The following MAGI2 variants were observed in gnomAD, a reference collection of about 807,000 sequenced individuals.
The protein encoded by MAGI2 is membrane-associated guanylate kinase, WW and PDZ domain-containing protein 2.
In MAGI2, 35 loss-of-function variants were observed where a neutral mutation model predicts 133.3. The ratio of observed to expected loss-of-function variants is 0.26; its 90% CI spans 0.20 to 0.35. MAGI2 has a LOEUF of 0.35. Among genes scored for constraint, MAGI2 ranks in the 10% least tolerant of loss-of-function variants. MAGI2 has a pLI of 1.00. For missense variants in MAGI2, 1,636 were observed against 1,863.4 expected, an observed-to-expected ratio of 0.88 and a Z score of 2.25; for synonymous variants, 729 against 710.6, an observed-to-expected ratio of 1.03 and a Z score of -0.41.
intron 2 of MAGI2, among the ~76,000 whole-genome samples, chr7:78,925,173 G>A (rs1440107852): frequency 6.6e-6 from 1 of 151,898 alleles, no homozygotes; most frequent in Non-Finnish European, 1.5e-5. Flanking sequence ...AACTCCAGTG[G>A]GAAAGCGACC....
chr7:79,223,658 T>C (rs7788719), intron 1 of MAGI2, among the ~76,000 whole-genome samples: 3,301 of 152,032 alleles, frequency 0.022, 169 homozygotes, highest in African/African-American at 0.075. Flanking sequence ...TGAGACCCTG[T>C]CTCTACTAAA....
chr7:79,145,839 A>G (rs762229716), intron 1 of MAGI2, among the ~76,000 whole-genome samples: 19 of 152,238 alleles, frequency 1.2e-4, no homozygotes, highest in Non-Finnish European at 2.6e-4. Context: ...TGATTAAGGA[A>G]TTTGGTCACT....
At chr7:78,954,569 C>T (rs1488865037) in intron 2 of MAGI2, among the ~76,000 whole-genome samples, 1 of 152,024 alleles carries the variant, frequency 6.6e-6, no homozygotes, top group African/African-American at 2.4e-5. Context: ...TAGTGTGGAT[C>T]GACAATATGC....
intron 2 of MAGI2, among the ~76,000 whole-genome samples, chr7:78,844,225 T>C (rs1792393622): frequency 6.6e-6 from 1 of 151,642 alleles, no homozygotes; most frequent in Non-Finnish European, 1.5e-5. Context: ...CCAATAATTG[T>C]ATATATACTG....
At chr7:78,648,810 G>A (rs983211257) in intron 2 of MAGI2, among the ~76,000 whole-genome samples, 1 of 152,064 alleles carries the variant, frequency 6.6e-6, no homozygotes, top group African/African-American at 2.4e-5. Context: ...TGAGAAGATG[G>A]TAAAATTTAT....
intron 2 of MAGI2, among the ~76,000 whole-genome samples, chr7:78,662,010 C>A (rs1813012345): frequency 6.6e-6 from 1 of 152,132 alleles, no homozygotes; most frequent in Non-Finnish European, 1.5e-5. Flanking sequence ...GGAAAATCCA[C>A]ATGAATAATC....
intron 4 of MAGI2, among the ~76,000 whole-genome samples, chr7:78,508,729 T>G (rs963175831): frequency 1.3e-4 from 20 of 152,192 alleles, no homozygotes; most frequent in African/African-American, 4.8e-4. Context: ...CTATTTAAAT[T>G]CTGACTAGGG....
chr7:78,387,446 G>A (rs1583832731), intron 6 of MAGI2, among the ~76,000 whole-genome samples: 1 of 152,224 alleles, frequency 6.6e-6, no homozygotes, highest in African/African-American at 2.4e-5. Flanking sequence ...GAAGAGGAGA[G>A]GAGAAACCAA....
At chr7:78,621,147 A>C (rs1193808036) in intron 3 of MAGI2, 1 of 151,916 alleles carries the variant, frequency 6.6e-6, no homozygotes, top group African/African-American at 2.4e-5. Context: ...AGGTACTTGG[A>C]GTACCTAACT....
chr7:79,040,220 C>T (rs1353157991), intron 1 of MAGI2, among the ~76,000 whole-genome samples: 1 of 151,924 alleles, frequency 6.6e-6, no homozygotes, highest in Non-Finnish European at 1.5e-5. Flanking sequence ...CTCGGCACTT[C>T]TCACTCCTGC....
chr7:78,125,080 G>A (rs1318029570), intron 20 of MAGI2, among the ~76,000 whole-genome samples: 1 of 151,956 alleles, frequency 6.6e-6, no homozygotes, highest in Non-Finnish European at 1.5e-5. Flanking sequence ...TAGCCAGGTT[G>A]TTCTCCATCT....
At chr7:79,015,586 C>T (rs540284114) in intron 1 of MAGI2, among the ~76,000 whole-genome samples, 1 of 152,258 alleles carries the variant, frequency 6.6e-6, no homozygotes, top group East Asian at 1.9e-4. Context: ...TGTGATGGAT[C>T]AGTACTAATG....
chr7:79,051,102 T>C (rs1402588536), intron 1 of MAGI2, among the ~76,000 whole-genome samples: 1 of 152,202 alleles, frequency 6.6e-6, no homozygotes. Context: ...TTTTACCAAG[T>C]AGTTTGATCC....
chr7:78,487,867 T>C (rs1584362868), intron 6 of MAGI2, among the ~76,000 whole-genome samples: 1 of 152,106 alleles, frequency 6.6e-6, no homozygotes, highest in Non-Finnish European at 1.5e-5. Context: ...ATATGAAGAA[T>C]CATGACTTAA....
At chr7:79,441,789 G>A (rs948618820) in intron 1 of MAGI2, among the ~76,000 whole-genome samples, 7 of 151,874 alleles carry the variant, frequency 4.6e-5, no homozygotes, top group Non-Finnish European at 5.9e-5. Context: ...CCAGTACTTG[G>A]ACTTTAGCTA....
intron 5 of MAGI2, among the ~76,000 whole-genome samples, chr7:78,496,278 CA>C (rs1794077539): frequency 6.6e-6 from 1 of 152,152 alleles, no homozygotes; most frequent in Non-Finnish European, 1.5e-5. Flanking sequence ...TTTTCGGTTT[CA>C]AAAGCCTGCA....
At chr7:79,087,928 G>A (rs190799875) in intron 1 of MAGI2, among the ~76,000 whole-genome samples, 2 of 152,108 alleles carry the variant, frequency 1.3e-5, no homozygotes, top group Non-Finnish European at 2.9e-5. Flanking sequence ...GTCCAGTAGC[G>A]TGATGCCTCC....
At chr7:78,289,955 T>C (rs1017741348) in intron 9 of MAGI2, among the ~76,000 whole-genome samples, 4 of 151,946 alleles carry the variant, frequency 2.6e-5, no homozygotes, top group Non-Finnish European at 5.9e-5. Context: ...AAGGAAGCAC[T>C]AAACAAACAT....
At chr7:79,386,706 A>G (rs1585794653) in intron 1 of MAGI2, among the ~76,000 whole-genome samples, 1 of 152,206 alleles carries the variant, frequency 6.6e-6, no homozygotes, top group East Asian at 1.9e-4. Context: ...CTTGGCTGCT[A>G]TGATCTGAAT....
Sources: gnomAD v4.1 joint callset for allele counts (sites outside exome capture counted in the v4.1 genomes callset) on GRCh38, gnomAD v4.1.1 for gene constraint, MANE v1.5 for transcripts, NCBI Gene and HGNC (gene_info 2026-07-23, HGNC 2026-07-21) for gene names.